RNLS: variants seen among roughly 807,000 people sequenced by gnomAD.
RNLS encodes the protein renalase.
RNLS carries 39 observed loss-of-function variants against 39.8 expected under a neutral mutation model. The observed-to-expected ratio is 0.98, with a 90% CI of 0.76 to 1.28. The LOEUF is 1.28. Ranked by LOEUF, RNLS falls within the 50% of genes most tolerant of loss-of-function variation. The pLI is 0.00. For synonymous variants in RNLS, 147 were observed against 150.7 expected, an observed-to-expected ratio of 0.98 and a Z score of 0.18; for missense variants, 410 against 413.3, an observed-to-expected ratio of 0.99 and a Z score of 0.07.
chr10:88,469,202 C>T (rs1302499081), intron 4 of RNLS, among the ~76,000 whole-genome samples: 1 of 152,166 alleles, frequency 6.6e-6, no homozygotes, highest in Non-Finnish European at 1.5e-5. Flanking sequence ...ACTCATTTTC[C>T]TCACTCAAAT....
At chr10:88,425,811 G>A (rs1854715969) in intron 4 of RNLS, among the ~76,000 whole-genome samples, 1 of 152,016 alleles carries the variant, frequency 6.6e-6, no homozygotes, top group African/African-American at 2.4e-5. Context: ...TGAGGTGTGA[G>A]CTAAAGATTC....
At chr10:88,468,397 A>C (rs888580572) in intron 4 of RNLS, among the ~76,000 whole-genome samples, 6 of 152,180 alleles carry the variant, frequency 3.9e-5, no homozygotes, top group Non-Finnish European at 8.8e-5. Flanking sequence ...TTTGACTTTC[A>C]GTTATCCGGT....
chr10:88,379,297 G>A (rs1851268554), intron 4 of RNLS, among the ~76,000 whole-genome samples: 1 of 152,176 alleles, frequency 6.6e-6, no homozygotes, highest in African/African-American at 2.4e-5. Flanking sequence ...TATTTAAGCA[G>A]AGTGTACAAA....
At chr10:88,483,145 A>G (rs1246892534) in intron 4 of RNLS, among the ~76,000 whole-genome samples, 1 of 152,166 alleles carries the variant, frequency 6.6e-6, no homozygotes, top group Non-Finnish European at 1.5e-5. Flanking sequence ...CCAGTAAAGC[A>G]TTCATCCTCT....
intron 5 of RNLS, among the ~76,000 whole-genome samples, chr10:88,360,382 G>C (rs975752054): frequency 4.6e-5 from 7 of 152,128 alleles, no homozygotes; most frequent in African/African-American, 1.7e-4. Flanking sequence ...TGGCACATGA[G>C]GAGAAGTCTA....
At chr10:88,314,399 A>C (rs1845600060) in intron 6 of RNLS, 67 bp downstream of exon 6, 2 of 1,503,778 alleles carry the variant, frequency 1.3e-6, no homozygotes, top group Admixed American at 3.5e-5. Context: ...AGGATAAAGA[A>C]GTAACATCAG....
intron 4 of RNLS, among the ~76,000 whole-genome samples, chr10:88,471,704 G>A (rs1026598610): frequency 2.6e-5 from 4 of 152,102 alleles, no homozygotes; most frequent in Non-Finnish European, 4.4e-5. Flanking sequence ...CAAAGGAAAG[G>A]GAGAAGGTAC....
intron 4 of RNLS, among the ~76,000 whole-genome samples, chr10:88,554,294 C>T (rs1022652377): frequency 6.6e-6 from 1 of 151,982 alleles, no homozygotes; most frequent in Non-Finnish European, 1.5e-5. Context: ...TGGAAAAAAT[C>T]TTACATGTAT....
At chr10:88,422,466 T>C (rs1282387777) in intron 4 of RNLS, among the ~76,000 whole-genome samples, 1 of 152,240 alleles carries the variant, frequency 6.6e-6, no homozygotes, top group Non-Finnish European at 1.5e-5. Context: ...GGCCTGGATT[T>C]ATTTCCTTTA....
At chr10:88,510,532 T>C (rs1017794845) in intron 4 of RNLS, among the ~76,000 whole-genome samples, 3 of 152,106 alleles carry the variant, frequency 2.0e-5, no homozygotes, top group African/African-American at 4.8e-5. Context: ...ATAGGATATA[T>C]GTATATCACC....
At chr10:88,216,279 G>A in the RNLS span, among the ~76,000 whole-genome samples, 1 of 152,206 alleles carries the variant, frequency 6.6e-6, no homozygotes, top group Non-Finnish European at 1.5e-5. Flanking sequence ...ACTGCATTAA[G>A]CAGTAGAGGG....
chr10:88,349,260 A>G (rs1200361476), intron 5 of RNLS, among the ~76,000 whole-genome samples: 2 of 152,116 alleles, frequency 1.3e-5, no homozygotes, highest in African/African-American at 4.8e-5. Flanking sequence ...CTTTCATTCC[A>G]TCTCTGGCAT....
At chr10:88,295,189 A>C (rs572021221) in intron 6 of RNLS, among the ~76,000 whole-genome samples, 85 of 152,330 alleles carry the variant, frequency 5.6e-4, no homozygotes, top group African/African-American at 2.0e-3. Context: ...CATACACTGA[A>C]TCTTATTACA....
At chr10:88,556,855 T>C (rs1253878292) in intron 4 of RNLS, among the ~76,000 whole-genome samples, 1 of 152,150 alleles carries the variant, frequency 6.6e-6, no homozygotes, top group East Asian at 1.9e-4. Context: ...TTGTTTTCTC[T>C]TCCCTCAGCA....
the RNLS span, among the ~76,000 whole-genome samples, chr10:88,242,860 T>C: frequency 6.6e-6 from 1 of 152,250 alleles, no homozygotes; most frequent in African/African-American, 2.4e-5. Context: ...GGCAGGAGAA[T>C]TGCTTGAACC....
chr10:88,378,344 G>A (rs1001868711), intron 4 of RNLS, among the ~76,000 whole-genome samples: 1 of 152,074 alleles, frequency 6.6e-6, no homozygotes, highest in Non-Finnish European at 1.5e-5. Context: ...TCCTGTTTCT[G>A]GCCACTCATT....
the RNLS span, among the ~76,000 whole-genome samples, chr10:88,265,122 T>C: frequency 1.3e-5 from 2 of 151,314 alleles, no homozygotes; most frequent in African/African-American, 4.8e-5. Context: ...TTTGTTTGCT[T>C]TGTCGAAGAT....
intron 4 of RNLS, among the ~76,000 whole-genome samples, chr10:88,543,889 G>A (rs1304052650): frequency 6.6e-6 from 1 of 152,126 alleles, no homozygotes; most frequent in Non-Finnish European, 1.5e-5. Flanking sequence ...GGATAGAATT[G>A]TGAGATCTTA....
chr10:88,541,224 A>G (rs1848021919), intron 4 of RNLS, among the ~76,000 whole-genome samples: 1 of 152,214 alleles, frequency 6.6e-6, no homozygotes, highest in Non-Finnish European at 1.5e-5. Flanking sequence ...CTAAGTTCCA[A>G]TGACAAGTTT....
Sources: gnomAD v4.1 joint callset for allele counts (sites outside exome capture counted in the v4.1 genomes callset) on GRCh38, gnomAD v4.1.1 for gene constraint, MANE v1.5 for transcripts, NCBI Gene and HGNC (gene_info 2026-07-23, HGNC 2026-07-21) for gene names.